Variants in ROBO2 observed in about 807,000 individuals in gnomAD.
The protein encoded by ROBO2 is roundabout guidance receptor 2, also known as roundabout homolog 2.
In ROBO2, 53 loss-of-function variants were observed where a neutral mutation model predicts 160.8. That is an observed-to-expected ratio of 0.33 (90% CI 0.26 to 0.41). The LOEUF (loss-of-function observed/expected upper bound fraction) is 0.41, where lower values mean the gene tolerates loss of function less well. Ranked by LOEUF, ROBO2 falls within the 10% of genes least tolerant of loss-of-function variation. The pLI is 1.00. For synonymous variants in ROBO2, 664 were observed against 611.7 expected (o/e 1.09, Z -1.26); for missense variants, 1,577 against 1,722.4 (o/e 0.92, Z 1.49).
intron 2 of ROBO2, among the ~76,000 whole-genome samples, chr3:76,893,765 AC>A (rs1489362197): frequency 6.6e-6 from 1 of 152,018 alleles, no homozygotes; most frequent in Non-Finnish European, 1.5e-5. Flanking sequence ...TAGAACTTAT[AC>A]CTTTTATCTA....
At chr3:76,610,909 C>A (rs895842811) in intron 2 of ROBO2, among the ~76,000 whole-genome samples, 17 of 152,166 alleles carry the variant, frequency 1.1e-4, no homozygotes, top group Admixed American at 1.1e-3. Context: ...GAATAAGGTG[C>A]GTGGACACTG....
intron 2 of ROBO2, among the ~76,000 whole-genome samples, chr3:76,147,487 A>G (rs1400067964): frequency 6.6e-6 from 1 of 151,968 alleles, no homozygotes; most frequent in African/African-American, 2.4e-5. Context: ...ATTTATCTTC[A>G]TATAATTAGC....
chr3:76,737,396 G>C (rs553868733), intron 2 of ROBO2, among the ~76,000 whole-genome samples: 10 of 150,272 alleles, frequency 6.7e-5, no homozygotes, highest in Non-Finnish European at 1.3e-4. Context: ...CCTCAATTTC[G>C]TTTGTAAATT....
chr3:76,387,140 G>A (rs1306216386), intron 2 of ROBO2, among the ~76,000 whole-genome samples: 2 of 152,102 alleles, frequency 1.3e-5, no homozygotes, highest in Admixed American at 1.3e-4. Context: ...TGGCAGGGTC[G>A]AGGGGGAGAA....
chr3:76,625,496 T>C (rs2089570340), intron 2 of ROBO2, among the ~76,000 whole-genome samples: 1 of 151,984 alleles, frequency 6.6e-6, no homozygotes, highest in South Asian at 2.1e-4. Context: ...GAAAATATGT[T>C]TTGAATTCGG....
At chr3:76,651,284 C>T (rs542337656) in intron 2 of ROBO2, among the ~76,000 whole-genome samples, 10 of 151,998 alleles carry the variant, frequency 6.6e-5, no homozygotes, top group Non-Finnish European at 1.3e-4. Flanking sequence ...TCTAAGCGTC[C>T]GAAGGTGGTG....
chr3:76,279,590 A>T (rs180743340), intron 2 of ROBO2, among the ~76,000 whole-genome samples: 4 of 152,050 alleles, frequency 2.6e-5, no homozygotes, highest in Non-Finnish European at 5.9e-5. Flanking sequence ...TCACACTTTA[A>T]TGTGTTCTTT....
intron 2 of ROBO2, among the ~76,000 whole-genome samples, chr3:76,870,038 A>G (rs2071860766): frequency 6.6e-6 from 1 of 152,114 alleles, no homozygotes; most frequent in Non-Finnish European, 1.5e-5. Context: ...CCTAGGACCT[A>G]TTGCATGAGA....
chr3:76,213,990 G>A (rs1013068138), intron 2 of ROBO2, among the ~76,000 whole-genome samples: 13 of 152,066 alleles, frequency 8.5e-5, no homozygotes, highest in African/African-American at 2.4e-4. Context: ...TCTGCTAATC[G>A]AAATGTTAAC....
In ROBO2 at chr3:76,539,950, G is replaced by A. The variant is rs75308521; in HGVS notation, c.110-558064G>A. ...ATATACCTGAGGAAATCTGTACCCA[G>A]TTTTTGGACCCTGCTGGAGAGCAGC... On this transcript the variant is annotated intron_variant, in intron 2 of 26. Transcript: ENST00000487694. Among the ~76,000 whole-genome samples, 486 of 152,284 alleles carry A rather than the reference G, an allele frequency of 3.2e-3. 14 individuals are homozygous for A. In the East Asian group the frequency reaches 0.062, roughly 19 times the overall value.
At chr3:76,999,271 A>T (rs1434489591) in intron 2 of ROBO2, among the ~76,000 whole-genome samples, 1 of 152,068 alleles carries the variant, frequency 6.6e-6, no homozygotes, top group Non-Finnish European at 1.5e-5. Context: ...TGTCACCTAC[A>T]GCCTGGGTGG....
intron 2 of ROBO2, among the ~76,000 whole-genome samples, chr3:76,289,943 C>T (rs907213850): frequency 6.6e-5 from 10 of 151,998 alleles, no homozygotes; most frequent in Non-Finnish European, 1.5e-4. Context: ...TGGCATTGTT[C>T]GTTTTGCTTA....
At chr3:76,541,403 T>C (rs2082808011) in intron 2 of ROBO2, among the ~76,000 whole-genome samples, 2 of 152,218 alleles carry the variant, frequency 1.3e-5, no homozygotes, top group Non-Finnish European at 2.9e-5. Flanking sequence ...CCCATGCCAG[T>C]TTTATTCTCA....
At chr3:77,506,047 GA>G (rs2088470808) in intron 5 of ROBO2, among the ~76,000 whole-genome samples, 2 of 152,190 alleles carry the variant, frequency 1.3e-5, no homozygotes, top group African/African-American at 4.8e-5. Context: ...TAGAGACAGT[GA>G]AAAACATGCT....
intron 2 of ROBO2, among the ~76,000 whole-genome samples, chr3:77,185,750 G>T (rs1376209021): frequency 6.6e-6 from 1 of 151,736 alleles, no homozygotes; most frequent in African/African-American, 2.4e-5. Flanking sequence ...ACAGAAAGGT[G>T]CAACCTACCC....
At chr3:76,726,177 T>C (rs989476348) in intron 2 of ROBO2, among the ~76,000 whole-genome samples, 3 of 152,154 alleles carry the variant, frequency 2.0e-5, no homozygotes, top group Non-Finnish European at 4.4e-5. Context: ...TGCATATCCA[T>C]TTCTATACTG....
intron 2 of ROBO2, among the ~76,000 whole-genome samples, chr3:76,822,783 T>A (rs2066234428): frequency 6.6e-6 from 1 of 151,976 alleles, no homozygotes; most frequent in African/African-American, 2.4e-5. Flanking sequence ...CAAATTTTCA[T>A]GGTTCCCTAA....
chr3:77,078,247 A>T (rs2068222979), intron 1 of ROBO2, among the ~76,000 whole-genome samples: 1 of 152,222 alleles, frequency 6.6e-6, no homozygotes, highest in Non-Finnish European at 1.5e-5. Context: ...CCAGTTTAAA[A>T]ACATATTTGA....
At position 77,462,143 on chromosome 3, in the gene ROBO2, G is replaced by A. The variant is rs147501955; in HGVS notation, c.389-15271G>A. Among the ~76,000 whole-genome samples the A allele has an allele frequency of 9.9e-5, 15 of 152,220 alleles. 1 individual carries two copies. The highest frequency in any genetic ancestry group is 2.6e-4 in the African/African-American group (11 of 41,520). ...AATTGATATTTTAGGTTCTATAGAA[G>A]ATGTATTAATAACTGTAAGCCGCTC... On this transcript the variant is annotated intron_variant, in intron 2 of 25. Transcript: ENST00000461745.
Sources: gnomAD v4.1 joint callset for allele counts (sites outside exome capture counted in the v4.1 genomes callset) on GRCh38, gnomAD v4.1.1 for gene constraint, MANE v1.5 for transcripts, NCBI Gene and HGNC (gene_info 2026-07-23, HGNC 2026-07-21) for gene names.